The following ANK2 variants were observed in gnomAD, a reference collection of about 807,000 sequenced individuals.
ANK2 encodes the protein ankyrin-2.
In ANK2, 83 loss-of-function variants were observed where a neutral mutation model predicts 360.5. That is an observed-to-expected ratio of 0.23 (90% CI 0.19 to 0.28). The LOEUF is 0.28. ANK2 is among the 10% of genes least tolerant of loss of function. The probability of loss-of-function intolerance (pLI) is 1.00; values close to 1 mark genes in which losing one functional copy is unlikely to be tolerated. For missense variants in ANK2, 4,201 were observed against 4,795.7 expected (o/e 0.88, Z 3.66); for synonymous variants, 1,740 against 1,759.5 (o/e 0.99, Z 0.28).
chr4:112,802,618 G>A, the ANK2 span, among the ~76,000 whole-genome samples: 1 of 151,966 alleles, frequency 6.6e-6, no homozygotes, highest in Non-Finnish European at 1.5e-5. Context: ...TGCTGTTTTT[G>A]CACAAAGCAA....
intron 2 of ANK2, among the ~76,000 whole-genome samples, chr4:112,905,330 G>C (rs1268886195): frequency 6.6e-6 from 1 of 152,112 alleles, no homozygotes; most frequent in African/African-American, 2.4e-5. Flanking sequence ...CTTTGTACTA[G>C]ATTAGTAATT....
rs1377591770 is a variant in ANK2 at position 112,847,121 on chromosome 4, G to T, written c.-40+28857G>T. 2.0e-5 allele frequency among the ~76,000 whole-genome samples: 3 copies of T among 152,154 alleles called. No individual in the cohort carries two copies. In the East Asian group the frequency reaches 5.8e-4, roughly 29 times the overall value. ...AACTTCAAAGAAGAAAAAGAGAAGG[G>T]ATAGAAGGACAAAATTATGGTCTCT... On this transcript the variant is annotated intron_variant, in intron 1 of 30. Transcript: ENST00000503271.
At position 113,382,250 on chromosome 4, in the gene ANK2, G is replaced by A. The variant is rs890496899; in HGVS notation, c.*779G>A. The stretch of plus-strand genomic sequence containing the variant: ...AGCCACTGCTCCCAGTTAAAGGTGG[G>A]TCAGTAGCCTTGCAGAACTGTCCTG... On this transcript the variant is annotated 3_prime_UTR_variant, in exon 46 of 46. Transcript: ENST00000357077. 1.9e-5 allele frequency: 3 copies of A among 158,226 alleles called. No homozygotes were observed. The highest frequency in any genetic ancestry group is 1.2e-4 in the Admixed American group (2 of 16,848). The allele number at this position is 158,226 out of a possible 1,614,324, so 9.8% of individuals were successfully genotyped here.
chr4:113,074,491 G>A (rs959948131), intron 1 of ANK2, among the ~76,000 whole-genome samples: 5 of 152,192 alleles, frequency 3.3e-5, no homozygotes, highest in African/African-American at 9.6e-5. Context: ...ATAAAAGGAA[G>A]TGAAAAGGCA....
chr4:112,786,413 T>TC, the ANK2 span, among the ~76,000 whole-genome samples: 10 of 150,346 alleles, frequency 6.7e-5, no homozygotes, highest in African/African-American at 2.2e-4. Context: ...TTTTTTTTTT[T>TC]CTGAGATGGA....
At chr4:112,877,166 A>C (rs899515952) in intron 1 of ANK2, among the ~76,000 whole-genome samples, 2 of 151,700 alleles carry the variant, frequency 1.3e-5, no homozygotes, top group African/African-American at 4.8e-5. Flanking sequence ...ATTTTACTTT[A>C]TCATCTATTT....
chr4:112,717,318 G>T, the ANK2 span, among the ~76,000 whole-genome samples: 97 of 151,960 alleles, frequency 6.4e-4, no homozygotes, highest in African/African-American at 2.2e-3. Context: ...TAAAAGATGC[G>T]CTTATTAAAC....
At chr4:113,241,035 G>A (rs116182357) in intron 8 of ANK2, among the ~76,000 whole-genome samples, 363 of 152,188 alleles carry the variant, frequency 2.4e-3, no homozygotes, top group African/African-American at 8.3e-3. Flanking sequence ...TACATAAAAG[G>A]TGTCACATTG....
chr4:113,302,031 CCTTTA>C (rs1247707317), intron 22 of ANK2, among the ~76,000 whole-genome samples: 3 of 152,114 alleles, frequency 2.0e-5, no homozygotes, highest in African/African-American at 7.2e-5. Context: ...ACTTTTCTAT[CCTTTA>C]CTTATGGTTG....
At chr4:113,258,474 G>T (rs1373853035) in intron 13 of ANK2, 63 bp downstream of exon 13, 50 of 1,460,428 alleles carry the variant, frequency 3.4e-5, no homozygotes, top group Non-Finnish European at 4.4e-5. Flanking sequence ...GAGATTGTGG[G>T]TGTGTGTATG....
At chr4:112,892,912 T>G (rs1338798296) in intron 1 of ANK2, among the ~76,000 whole-genome samples, 2 of 152,230 alleles carry the variant, frequency 1.3e-5, no homozygotes, top group Non-Finnish European at 2.9e-5. Context: ...GGATGGCCTT[T>G]AGGATGCGTA....
At chr4:113,213,800 A>G (rs2153459968) in intron 4 of ANK2, among the ~76,000 whole-genome samples, 1 of 152,270 alleles carries the variant, frequency 6.6e-6, no homozygotes, top group African/African-American at 2.4e-5. Flanking sequence ...AAACCACTGC[A>G]AACATCAGTA....
chr4:113,282,550 G>A (rs2062821003), intron 17 of ANK2, 125 bp from the exon 18 acceptor site: 2 of 960,866 alleles, frequency 2.1e-6, no homozygotes, highest in Non-Finnish European at 1.6e-6. Flanking sequence ...TAAGAGTTTG[G>A]ATTAACTGTA....
chr4:113,362,339 A>G (rs1361854077), intron 39 of ANK2, among the ~76,000 whole-genome samples: 3 of 152,168 alleles, frequency 2.0e-5, no homozygotes. Context: ...GATATTGTCA[A>G]ATTGCCTTCA....
chr4:113,113,437 C>A (rs1332390197), intron 1 of ANK2, among the ~76,000 whole-genome samples: 1 of 152,130 alleles, frequency 6.6e-6, no homozygotes, highest in Non-Finnish European at 1.5e-5. Flanking sequence ...GGAATTTGAT[C>A]AATGGAGTGC....
At chr4:113,099,749 C>A (rs1339439552) in intron 1 of ANK2, among the ~76,000 whole-genome samples, 1 of 152,028 alleles carries the variant, frequency 6.6e-6, no homozygotes, top group African/African-American at 2.4e-5. Context: ...GTAATCAAGA[C>A]AGTGTGGTAC....
At chr4:113,225,928 C>T (rs1220659293) in intron 4 of ANK2, among the ~76,000 whole-genome samples, 1 of 152,102 alleles carries the variant, frequency 6.6e-6, no homozygotes, top group African/African-American at 2.4e-5. Flanking sequence ...TAAAATACAG[C>T]ATGATTTCTA....
At chr4:112,780,144 G>A in the ANK2 span, among the ~76,000 whole-genome samples, 13 of 149,798 alleles carry the variant, frequency 8.7e-5, no homozygotes, top group South Asian at 2.1e-3. Context: ...CTAAGATTGC[G>A]CCACTGCACT....
At chr4:113,266,425 T>A (rs917760729) in intron 14 of ANK2, among the ~76,000 whole-genome samples, 8 of 152,232 alleles carry the variant, frequency 5.3e-5, no homozygotes, top group Non-Finnish European at 1.0e-4. Context: ...TATGTGTGCA[T>A]GTGTCTTTAT....
Sources: gnomAD v4.1 joint callset for allele counts (sites outside exome capture counted in the v4.1 genomes callset) on GRCh38, gnomAD v4.1.1 for gene constraint, MANE v1.5 for transcripts, NCBI Gene and HGNC (gene_info 2026-07-23, HGNC 2026-07-21) for gene names.